VWA3A: variants seen among roughly 807,000 people sequenced by gnomAD.
The protein encoded by VWA3A is von Willebrand factor A domain-containing protein 3A.
A neutral mutation model predicts 160.4 loss-of-function variants in VWA3A; 134 were observed. That is an observed-to-expected ratio of 0.84 (90% confidence interval 0.73 to 0.96). VWA3A has a LOEUF of 0.96. Among genes scored for constraint, VWA3A ranks in the 40% least tolerant of loss-of-function variants. VWA3A has a pLI of 0.00. For missense variants in VWA3A, 1,310 were observed against 1,447.9 expected (o/e 0.90, Z 1.55); for synonymous variants, 476 against 543.4 (o/e 0.88, Z 1.72).
chr16:22,129,942 C>A (rs1394631095), intron 17 of VWA3A, among the ~76,000 whole-genome samples: 2 of 152,074 alleles, frequency 1.3e-5, no homozygotes, highest in African/African-American at 4.8e-5. Flanking sequence ...AATCCCAGCA[C>A]TTTGAGAGGA....
chr16:22,144,459 C>T (rs899197031), intron 26 of VWA3A, 75 bp downstream of exon 26: 22 of 1,546,954 alleles, frequency 1.4e-5, no homozygotes, highest in Middle Eastern at 3.5e-4. Flanking sequence ...CAGTGTAGGG[C>T]ACTGTGGCCT....
intron 3 of VWA3A, among the ~76,000 whole-genome samples, chr16:22,098,647 A>G (rs1321749777): frequency 6.6e-6 from 1 of 152,210 alleles, no homozygotes. Flanking sequence ...GAGTTACATA[A>G]TTAGCATGGC....
intron 21 of VWA3A, among the ~76,000 whole-genome samples, chr16:22,135,705 C>G (rs1392118377): frequency 1.3e-5 from 2 of 152,198 alleles, no homozygotes; most frequent in African/African-American, 4.8e-5. Context: ...AGCTCAGGGC[C>G]TTTGCACCTG....
At chr16:22,113,595 G>C (rs2045589272) in intron 8 of VWA3A, among the ~76,000 whole-genome samples, 1 of 150,524 alleles carries the variant, frequency 6.6e-6, no homozygotes, top group Non-Finnish European at 1.5e-5. Flanking sequence ...TTTTTTGTTT[G>C]TTTGTTGTTT....
intron 14 of VWA3A, 27 bp downstream of exon 14, chr16:22,121,644 G>GGACTGGAGAGAAT: frequency 6.4e-7 from 1 of 1,557,426 alleles, no homozygotes; most frequent in Non-Finnish European, 8.9e-7. Context: ...ATTCTCTCCA[G>GGACTGGAGAGAAT]TCCTCCACAG....
chr16:22,151,869 T>C (rs902695222), intron 30 of VWA3A, among the ~76,000 whole-genome samples: 7 of 152,184 alleles, frequency 4.6e-5, no homozygotes, highest in Admixed American at 1.3e-4. Context: ...TGTGTGTCCT[T>C]TACAGGCCTA....
chr16:22,141,108 T>A, intron 23 of VWA3A: 1 of 445,166 alleles, frequency 2.2e-6, no homozygotes, highest in Non-Finnish European at 4.5e-6. Context: ...GGGGTAAGGA[T>A]CATGTGCCAC....
chr16:22,123,441 C>A, intron 15 of VWA3A, 172 bp from the exon 16 acceptor site: 1 of 1,538,818 alleles, frequency 6.5e-7, no homozygotes, highest in South Asian at 1.2e-5. Flanking sequence ...CTCTTCCCTT[C>A]CTGTTCTTGT....
chr16:22,133,961 C>T (rs2045994992), intron 20 of VWA3A, among the ~76,000 whole-genome samples: 1 of 152,030 alleles, frequency 6.6e-6, no homozygotes, highest in Non-Finnish European at 1.5e-5. Context: ...GTACATGGTA[C>T]AAAAAGCAAC....
In VWA3A at chr16:22,100,301, C is replaced by T. The variant is rs773543858; in HGVS notation, c.333C>T (p.Ser111=). ...AACTCACCTTGGCTGACCTGATAAG[C>T]CAGGGCACAGAAGTGCTGTAAGTCT... The part of the protein sequence containing the change: ...CQKLTLADLI[S]QGTEVLEEGT... The change falls in exon 4 of 34, where the codon AGC becomes AGT. Residue 111 remains serine, a synonymous_variant. Coordinates refer to ENST00000389398, the MANE Select transcript of VWA3A (RefSeq NM_173615.5). 1.3e-6 allele frequency: 2 copies of T among 1,551,556 alleles called. No individual in the cohort carries two copies. Among genetic ancestry groups the T allele is most frequent in the Non-Finnish European group, 1.7e-6 (2 of 1,146,970 alleles).
intron 17 of VWA3A, among the ~76,000 whole-genome samples, chr16:22,127,541 G>C (rs1176417552): frequency 6.6e-6 from 1 of 152,036 alleles, no homozygotes; most frequent in Non-Finnish European, 1.5e-5. Flanking sequence ...ATACCAAATA[G>C]GGCATTTTCT....
rs34781292 is a variant in VWA3A at position 22,134,658 on chromosome 16, GTGTT to G, written c.2139+250_2139+253del. 7.3e-3 allele frequency among the ~76,000 whole-genome samples: 1,113 copies of G among 151,498 alleles called. 9 individuals are homozygous for G. The highest frequency in any genetic ancestry group is 0.014 in the African/African-American group (566 of 41,260). ...CCTCCCTGGCTTCTGGTGGCAATTG[GTGTT>G]TGTTTGTTTGTTTGTTTGTTTGTTT... On this transcript the variant is annotated intron_variant, in intron 21 of 33. Coordinates refer to ENST00000389398, the MANE Select transcript of VWA3A (RefSeq NM_173615.5).
intron 26 of VWA3A, among the ~76,000 whole-genome samples, chr16:22,145,018 TG>T (rs1377424397): frequency 6.6e-6 from 1 of 152,184 alleles, no homozygotes; most frequent in African/African-American, 2.4e-5. Context: ...ATACTGATGA[TG>T]GTTCTGTTAT....
chr16:22,100,259 C>T lies in VWA3A; in HGVS notation c.291C>T (p.His97=). The part of the protein sequence containing the change: ...WEDSEDWLSA[H]SLKCQKLTLA... ...ACTCTGAAGACTGGCTTTCGGCTCA[C>T]AGTTTAAAATGTCAGAAACTCACCT... is the stretch of plus-strand genomic sequence containing the variant. Residue 97 remains histidine, a synonymous_variant, in exon 4 of 34, where the codon CAC becomes CAT. Transcript: ENST00000389398. The T allele has an allele frequency of 6.4e-7, 1 of 1,551,326 alleles. No homozygotes were observed. Among genetic ancestry groups the T allele is most frequent in the Non-Finnish European group, 8.7e-7 (1 of 1,146,946 alleles).
chr16:22,115,806 TAACCTG>T (rs2045621036), intron 9 of VWA3A, among the ~76,000 whole-genome samples: 1 of 140,194 alleles, frequency 7.1e-6, no homozygotes, highest in Non-Finnish European at 1.5e-5. Flanking sequence ...CACTGCCCTG[TAACCTG>T]GGCAACAGAG....
chr16:22,146,679 G>A (rs1213674659), intron 27 of VWA3A, among the ~76,000 whole-genome samples: 1 of 152,050 alleles, frequency 6.6e-6, no homozygotes, highest in East Asian at 1.9e-4. Flanking sequence ...AGCTACTCAG[G>A]AGGCTGAGGC....
chr16:22,111,105 G>A (rs556583930), intron 8 of VWA3A, 111 bp downstream of exon 8: 37 of 904,166 alleles, frequency 4.1e-5, no homozygotes, highest in Non-Finnish European at 5.5e-5. Context: ...TACTAGATAA[G>A]TGAGTACAAA....
intron 19 of VWA3A, among the ~76,000 whole-genome samples, chr16:22,132,553 AATACATAC>A (rs928833955): frequency 6.6e-5 from 10 of 151,968 alleles, no homozygotes; most frequent in Non-Finnish European, 1.0e-4. Flanking sequence ...GTCTCTTTAA[AATACATAC>A]ATACATACAT....
rs148836526 is a variant in VWA3A, at chr16:22,135,152, G to A, written c.2139+714G>A. 6.4e-3 allele frequency among the ~76,000 whole-genome samples: 979 copies of A among 152,292 alleles called. 6 individuals are homozygous for A. Among genetic ancestry groups the A allele is most frequent in the African/African-American group, 0.022 (900 of 41,548 alleles). On this transcript the variant is annotated intron_variant, in intron 21 of 33. Coordinates refer to ENST00000389398, the MANE Select transcript of VWA3A (RefSeq NM_173615.5). ...AGGATGGGACAGGTCTCACTAAACT[G>A]ACTTAGCAAAATTCTTTGCCAAAAC...
Sources: allele counts gnomAD v4.1 joint callset (sites outside exome capture counted in the v4.1 genomes callset), GRCh38; gene constraint gnomAD v4.1.1; transcripts MANE v1.5; gene names NCBI Gene and HGNC (gene_info 2026-07-23, HGNC 2026-07-21).